Variants in NAALADL2 observed in about 807,000 individuals in gnomAD.
NAALADL2 encodes N-acetylated alpha-linked acidic dipeptidase like 2, also known as inactive N-acetylated-alpha-linked acidic dipeptidase-like protein 2.
A neutral mutation model predicts 87.2 loss-of-function variants in NAALADL2; 76 were observed. That is an observed-to-expected ratio of 0.87 (90% CI 0.72 to 1.05). NAALADL2 has a LOEUF of 1.05. Among genes scored for constraint, NAALADL2 ranks in the 50% least tolerant of loss-of-function variants. NAALADL2 has a pLI of 0.00. For missense variants in NAALADL2, 1,089 were observed against 945.8 expected, an observed-to-expected ratio of 1.15 and a Z score of -1.99; for synonymous variants, 354 against 331.0, an observed-to-expected ratio of 1.07 and a Z score of -0.75.
chr3:174,965,262 G>A (rs890607717), intron 1 of NAALADL2, among the ~76,000 whole-genome samples: 1 of 152,054 alleles, frequency 6.6e-6, no homozygotes, highest in African/African-American at 2.4e-5. Flanking sequence ...CCACAGTGCT[G>A]GTACCAACAG....
At chr3:174,646,608 G>T (rs1723805823) in intron 2 of NAALADL2, among the ~76,000 whole-genome samples, 1 of 92,928 alleles carries the variant, frequency 1.1e-5, no homozygotes, top group Admixed American at 8.8e-5. Flanking sequence ...ATAAACTTTA[G>T]ATAACAGTGA....
At chr3:175,598,909 C>T (rs541520114) in intron 10 of NAALADL2, among the ~76,000 whole-genome samples, 5 of 152,214 alleles carry the variant, frequency 3.3e-5, no homozygotes, top group African/African-American at 7.2e-5. Context: ...GTAGTAAGAG[C>T]GCACTGACAT....
At position 175,282,407 on chromosome 3, in the gene NAALADL2, T is replaced by C. The variant is rs367858753; in HGVS notation, c.939+25877T>C. Among the ~76,000 whole-genome samples the C allele has an allele frequency of 1.1e-4, 16 of 152,250 alleles. 1 individual carries two copies. Among genetic ancestry groups the C allele is most frequent in the African/African-American group, 2.6e-4 (11 of 41,574 alleles). On this transcript the variant is annotated intron_variant, in intron 4 of 13. Coordinates refer to ENST00000454872, the MANE Select transcript of NAALADL2 (RefSeq NM_207015.3). ...GGTGTTCTGTATCACTGGAAAATCC[T>C]GTGACATCAGCTGCTTTTACAATTT...
intron 5 of NAALADL2, among the ~76,000 whole-genome samples, chr3:175,332,950 T>C (rs954168984): frequency 6.6e-6 from 1 of 152,250 alleles, no homozygotes; most frequent in Admixed American, 6.5e-5. Flanking sequence ...ATTTTCTTGG[T>C]GAATTGACCC....
At chr3:174,968,508 T>A (rs958604239) in intron 1 of NAALADL2, among the ~76,000 whole-genome samples, 1 of 152,070 alleles carries the variant, frequency 6.6e-6, no homozygotes, top group Non-Finnish European at 1.5e-5. Context: ...TAACTATTTT[T>A]TTTTTCTATC....
At chr3:175,073,580 T>G (rs1371698721) in intron 1 of NAALADL2, among the ~76,000 whole-genome samples, 2 of 152,178 alleles carry the variant, frequency 1.3e-5, no homozygotes, top group Non-Finnish European at 2.9e-5. Context: ...CGAGTGTTAT[T>G]TTTTTAACCT....
At chr3:175,368,163 G>A (rs910913340) in intron 5 of NAALADL2, among the ~76,000 whole-genome samples, 4 of 152,130 alleles carry the variant, frequency 2.6e-5, no homozygotes, top group African/African-American at 9.7e-5. Context: ...TACATTTATT[G>A]ATTTGCGTAT....
chr3:175,495,775 A>C (rs948581300), intron 9 of NAALADL2, among the ~76,000 whole-genome samples: 1 of 151,178 alleles, frequency 6.6e-6, no homozygotes, highest in African/African-American at 2.4e-5. Flanking sequence ...TTTATATTCT[A>C]CTCTTTTCTT....
In NAALADL2 at chr3:175,571,562, G is replaced by A. The variant is rs961547246; in HGVS notation, c.1654-4479G>A. 2.0e-5 allele frequency among the ~76,000 whole-genome samples: 3 copies of A among 152,154 alleles called. 1 individual carries two copies. Among genetic ancestry groups the A allele is most frequent in the Admixed American group, 2.0e-4 (3 of 15,278 alleles). On this transcript the variant is annotated intron_variant, in intron 9 of 13. Coordinates refer to ENST00000454872, the MANE Select transcript of NAALADL2 (RefSeq NM_207015.3). ...TCAAATATTAATGCTTATGAGGGTT[G>A]AGTAGATCAATGTCTATTACCTCAC...
chr3:175,539,232 A>T (rs1711847632), intron 9 of NAALADL2, among the ~76,000 whole-genome samples: 1 of 152,134 alleles, frequency 6.6e-6, no homozygotes, highest in Admixed American at 6.5e-5. Context: ...ATTCCCCAAA[A>T]TACCACCAGA....
chr3:175,353,277 T>C (rs1763983712), intron 5 of NAALADL2, among the ~76,000 whole-genome samples: 1 of 151,534 alleles, frequency 6.6e-6, no homozygotes, highest in Non-Finnish European at 1.5e-5. Flanking sequence ...GAGGTTGAGG[T>C]CGGAGGATCT....
chr3:175,711,836 T>TTA (rs1740568065), intron 11 of NAALADL2, among the ~76,000 whole-genome samples: 1 of 151,518 alleles, frequency 6.6e-6, no homozygotes, highest in African/African-American at 2.4e-5. Context: ...TTTCAGTTTT[T>TTA]AAAAAAATGA....
chr3:174,454,822 A>G (rs1715720490), intron 1 of NAALADL2, among the ~76,000 whole-genome samples: 1 of 152,154 alleles, frequency 6.6e-6, no homozygotes, highest in South Asian at 2.1e-4. Context: ...CACAACTAAC[A>G]GAACTGGAGA....
chr3:174,866,562 T>C (rs1307245183), intron 1 of NAALADL2, among the ~76,000 whole-genome samples: 1 of 151,860 alleles, frequency 6.6e-6, no homozygotes, highest in Non-Finnish European at 1.5e-5. Flanking sequence ...ATATATCTTA[T>C]AAGCTTACTC....
At chr3:174,813,299 A>C (rs1242240880) in intron 3 of NAALADL2, among the ~76,000 whole-genome samples, 2 of 152,180 alleles carry the variant, frequency 1.3e-5, no homozygotes, top group African/African-American at 4.8e-5. Context: ...AAAATCTCAT[A>C]ATGTTTTAAG....
intron 11 of NAALADL2, among the ~76,000 whole-genome samples, chr3:175,731,444 A>T (rs1435599876): frequency 6.6e-6 from 1 of 152,218 alleles, no homozygotes; most frequent in African/African-American, 2.4e-5. Flanking sequence ...TTAATTCCCC[A>T]TCTACCTGTC....
At chr3:174,665,298 C>A (rs1352163552) in intron 2 of NAALADL2, among the ~76,000 whole-genome samples, 2 of 152,090 alleles carry the variant, frequency 1.3e-5, no homozygotes, top group African/African-American at 4.8e-5. Flanking sequence ...GTAGAGGTAA[C>A]ACATTGTACA....
intron 5 of NAALADL2, among the ~76,000 whole-genome samples, chr3:175,420,127 G>A (rs1203114717): frequency 2.6e-5 from 4 of 151,846 alleles, no homozygotes; most frequent in East Asian, 1.9e-4. Flanking sequence ...ATATACAGAT[G>A]CCCGCAGTTA....
intron 2 of NAALADL2, among the ~76,000 whole-genome samples, chr3:175,108,069 A>G (rs897505659): frequency 6.6e-6 from 1 of 151,854 alleles, no homozygotes; most frequent in African/African-American, 2.4e-5. Flanking sequence ...AACTGATTGT[A>G]TGTTATATCT....
Sources: gnomAD v4.1 joint callset for allele counts (sites outside exome capture counted in the v4.1 genomes callset) on GRCh38, gnomAD v4.1.1 for gene constraint, MANE v1.5 for transcripts, NCBI Gene and HGNC (gene_info 2026-07-23, HGNC 2026-07-21) for gene names.